The following MARCHF1 variants were observed in gnomAD, a reference collection of about 807,000 sequenced individuals.
MARCHF1 encodes membrane associated ring-CH-type finger 1, also known as E3 ubiquitin-protein ligase MARCHF1.
A neutral mutation model predicts 54.2 loss-of-function variants in MARCHF1; 40 were observed. The observed-to-expected ratio is 0.74, with a 90% CI of 0.57 to 0.96. The LOEUF is 0.96. Ranked by LOEUF, MARCHF1 falls within the 40% of genes least tolerant of loss-of-function variation. The pLI, the probability that MARCHF1 is intolerant of heterozygous loss-of-function variation, is 0.00. For missense variants in MARCHF1, 586 were observed against 656.5 expected, an observed-to-expected ratio of 0.89 and a Z score of 1.17; for synonymous variants, 236 against 236.3, an observed-to-expected ratio of 1.00 and a Z score of 0.01.
At chr4:164,335,756 T>C (rs1267562785) in intron 1 of MARCHF1, among the ~76,000 whole-genome samples, 1 of 152,174 alleles carries the variant, frequency 6.6e-6, no homozygotes, top group Non-Finnish European at 1.5e-5. Context: ...AAAGTAGTTT[T>C]AAATTAAAAT....
At chr4:164,029,468 TTACAA>T (rs1426243155) in intron 2 of MARCHF1, among the ~76,000 whole-genome samples, 52 of 152,130 alleles carry the variant, frequency 3.4e-4, no homozygotes, top group Admixed American at 1.8e-3. Flanking sequence ...CACACTGGGG[TTACAA>T]TAACTCAATG....
At chr4:164,071,800 C>T (rs1392479223) in intron 2 of MARCHF1, among the ~76,000 whole-genome samples, 2 of 152,122 alleles carry the variant, frequency 1.3e-5, no homozygotes, top group Non-Finnish European at 2.9e-5. Context: ...TAAGTATACA[C>T]TTACCACACG....
intron 5 of MARCHF1, among the ~76,000 whole-genome samples, chr4:163,635,761 T>C (rs1742294215): frequency 6.6e-6 from 1 of 152,154 alleles, no homozygotes; most frequent in Non-Finnish European, 1.5e-5. Context: ...AGCATCATTC[T>C]GATACCAAAG....
At chr4:164,056,190 A>G (rs186503700) in intron 2 of MARCHF1, among the ~76,000 whole-genome samples, 4 of 152,206 alleles carry the variant, frequency 2.6e-5, no homozygotes, top group Admixed American at 2.0e-4. Flanking sequence ...ACCAGCACCT[A>G]CATCTATTTG....
intron 5 of MARCHF1, among the ~76,000 whole-genome samples, chr4:163,675,579 T>C (rs1579184115): frequency 6.6e-6 from 1 of 152,346 alleles, no homozygotes; most frequent in East Asian, 1.9e-4. Flanking sequence ...AAATTGGAAC[T>C]GGGCAATAAC....
intron 1 of MARCHF1, among the ~76,000 whole-genome samples, chr4:164,239,515 T>A (rs1460730059): frequency 2.0e-5 from 3 of 152,162 alleles, no homozygotes; most frequent in Non-Finnish European, 2.9e-5. Flanking sequence ...ATGATTATAG[T>A]CAGATAGTCC....
intron 5 of MARCHF1, among the ~76,000 whole-genome samples, chr4:163,683,263 T>C (rs1017925883): frequency 5.3e-5 from 8 of 152,144 alleles, no homozygotes; most frequent in Non-Finnish European, 1.0e-4. Flanking sequence ...AAAAGGCACA[T>C]CTCACATGGT....
At chr4:164,007,939 T>C (rs1447681116) in intron 2 of MARCHF1, among the ~76,000 whole-genome samples, 1 of 151,962 alleles carries the variant, frequency 6.6e-6, no homozygotes, top group Non-Finnish European at 1.5e-5. Context: ...AGAAAACAGG[T>C]AACAAAACGG....
intron 1 of MARCHF1, among the ~76,000 whole-genome samples, chr4:164,320,434 G>A (rs1017764486): frequency 6.6e-5 from 10 of 152,198 alleles, no homozygotes; most frequent in African/African-American, 2.2e-4. Context: ...TGGGCAAGGC[G>A]ACTAAAGTCA....
intron 4 of MARCHF1, among the ~76,000 whole-genome samples, chr4:163,844,924 T>G (rs1317095625): frequency 6.6e-6 from 1 of 152,158 alleles, no homozygotes; most frequent in Non-Finnish European, 1.5e-5. Flanking sequence ...TGCTATATCA[T>G]GTAACTGTCT....
At chr4:163,571,531 C>T (rs1256430173) in intron 8 of MARCHF1, among the ~76,000 whole-genome samples, 3 of 152,142 alleles carry the variant, frequency 2.0e-5, no homozygotes, top group East Asian at 3.9e-4. Flanking sequence ...ACAGAGTCCT[C>T]TCTTCTCAGC....
intron 4 of MARCHF1, among the ~76,000 whole-genome samples, chr4:163,789,362 G>T (rs1747708376): frequency 6.6e-6 from 1 of 151,930 alleles, no homozygotes; most frequent in Non-Finnish European, 1.5e-5. Context: ...TGGAGGGTTG[G>T]CGAAGGAGAG....
At chr4:163,881,308 C>T (rs1281259248) in intron 3 of MARCHF1, among the ~76,000 whole-genome samples, 1 of 152,080 alleles carries the variant, frequency 6.6e-6, no homozygotes, top group East Asian at 1.9e-4. Context: ...AACCCCGTCT[C>T]CACTAAAAGA....
chr4:163,862,665 T>A (rs1749964530), intron 3 of MARCHF1, among the ~76,000 whole-genome samples: 1 of 152,094 alleles, frequency 6.6e-6, no homozygotes, highest in Admixed American at 6.6e-5. Context: ...AGTTTACTAA[T>A]GAAGGTAAAC....
downstream of MARCHF1, chr4:163,524,464 G>A (rs1738032833): frequency 2.6e-5 from 4 of 152,014 alleles, no homozygotes; most frequent in African/African-American, 9.7e-5. Context: ...AGACAGTCCC[G>A]CTTTAGATTA....
At chr4:164,103,825 G>A (rs1426330803) in intron 2 of MARCHF1, among the ~76,000 whole-genome samples, 2 of 128,156 alleles carry the variant, frequency 1.6e-5, no homozygotes, top group Non-Finnish European at 3.2e-5. Context: ...ATGAATCCAG[G>A]AGCTGGTTTT....
chr4:164,018,245 T>A (rs867552458), intron 2 of MARCHF1, among the ~76,000 whole-genome samples: 2 of 151,974 alleles, frequency 1.3e-5, no homozygotes, highest in Non-Finnish European at 1.5e-5. Context: ...TAAGTAAATT[T>A]TTTTTTGCTA....
intron 3 of MARCHF1, among the ~76,000 whole-genome samples, chr4:163,908,600 G>T (rs150564747): frequency 6.6e-6 from 1 of 152,120 alleles, no homozygotes; most frequent in African/African-American, 2.4e-5. Flanking sequence ...TAGATTAGAT[G>T]ATGGGAATTC....
At chr4:163,887,230 T>C (rs1423654132) in intron 3 of MARCHF1, among the ~76,000 whole-genome samples, 2 of 151,982 alleles carry the variant, frequency 1.3e-5, no homozygotes, top group African/African-American at 4.8e-5. Flanking sequence ...TTAATAGATG[T>C]ATGATTGGGG....
Sources: gnomAD v4.1 joint callset for allele counts (sites outside exome capture counted in the v4.1 genomes callset) on GRCh38, gnomAD v4.1.1 for gene constraint, MANE v1.5 for transcripts, NCBI Gene and HGNC (gene_info 2026-07-23, HGNC 2026-07-21) for gene names.